Variants in RPTOR observed in about 807,000 individuals in gnomAD.
RPTOR encodes the protein regulatory associated protein of MTOR complex 1, also known as regulatory-associated protein of mTOR.
RPTOR carries 21 observed loss-of-function variants against 169.9 expected under a neutral mutation model. That is an observed-to-expected ratio of 0.12 (90% CI 0.09 to 0.18). The LOEUF (loss-of-function observed/expected upper bound fraction) is 0.18, where lower values mean the gene tolerates loss of function less well. Ranked by LOEUF, RPTOR falls within the 10% of genes least tolerant of loss-of-function variation. RPTOR has a pLI of 1.00. For synonymous variants in RPTOR, 732 were observed against 753.2 expected (o/e 0.97, Z 0.46); for missense variants, 1,133 against 1,855.9 (o/e 0.61, Z 7.16).
At chr17:80,750,373 G>A (rs1469966040) in intron 5 of RPTOR, among the ~76,000 whole-genome samples, 1 of 152,232 alleles carries the variant, frequency 6.6e-6, no homozygotes, top group East Asian at 1.9e-4. Flanking sequence ...AAGTCTGCCA[G>A]CAGTCCCAGA....
chr17:80,611,201 T>C (rs1259042749), intron 1 of RPTOR, among the ~76,000 whole-genome samples: 1 of 152,220 alleles, frequency 6.6e-6, no homozygotes, highest in Non-Finnish European at 1.5e-5. Context: ...TCGTATTTGC[T>C]CTTTCTGTCA....
intron 1 of RPTOR, among the ~76,000 whole-genome samples, chr17:80,547,626 T>A (rs537864180): frequency 6.6e-6 from 1 of 152,278 alleles, no homozygotes; most frequent in East Asian, 1.9e-4. Flanking sequence ...GTTGAGTGTG[T>A]GGGAGTTTGG....
At chr17:80,674,657 C>G (rs1283444807) in intron 3 of RPTOR, among the ~76,000 whole-genome samples, 3 of 151,790 alleles carry the variant, frequency 2.0e-5, no homozygotes, top group African/African-American at 4.8e-5. Context: ...AATTGGTGGC[C>G]GGCGCCTGTA....
chr17:80,789,206 T>C (rs1225955346), intron 6 of RPTOR, among the ~76,000 whole-genome samples: 4 of 152,266 alleles, frequency 2.6e-5, no homozygotes, highest in African/African-American at 7.2e-5. Flanking sequence ...TCTGTTTTTA[T>C]TGACTTTTTT....
chr17:80,545,608 TC>T lies in RPTOR; in HGVS notation c.-17del, dbSNP rs34290008. ...TTCTCGAGCGCTTGCTGCCAAGGAC[TC>T]CCCCACCCCCTCCCCCACTGATGGA... On this transcript the variant is annotated 5_prime_UTR_variant, in exon 1 of 34. Coordinates refer to ENST00000306801, the MANE Select transcript of RPTOR (RefSeq NM_020761.3). 2 of 1,576,818 alleles carry T rather than the reference TC, an allele frequency of 1.3e-6. No individual in the cohort carries two copies. The highest frequency in any genetic ancestry group is 2.3e-5 in the South Asian group (2 of 87,816).
intron 20 of RPTOR, among the ~76,000 whole-genome samples, chr17:80,900,009 TACAGAACAGGCAA>T (rs1211933602): frequency 6.6e-6 from 1 of 152,102 alleles, no homozygotes; most frequent in Non-Finnish European, 1.5e-5. Context: ...GGCACAAAAG[TACAGAACAGGCAA>T]ACCCAATGCC....
chr17:80,707,554 AT>A lies in RPTOR; in HGVS notation c.349-273del, dbSNP rs202218038. Among the ~76,000 whole-genome samples the A allele has an allele frequency of 5.8e-3, 828 of 143,422 alleles. No individual in the cohort carries two copies. Among genetic ancestry groups the A allele is most frequent in the South Asian group, 0.018 (80 of 4,546 alleles). 94.1% of individuals were successfully genotyped at this position (143,422 alleles called of 152,430 possible). A position where few individuals can be genotyped will look rare whatever the true frequency, so the allele number is the denominator to read the frequency against. ...AGGTGTGTGCCACCACACCTGGCTA[AT>A]TTTTTTTTTTTTTAATTGTAGAGAT... On this transcript the variant is annotated intron_variant, in intron 3 of 33. Transcript: ENST00000306801. This position sits in a 1 kb window ranked among gnomAD's most constrained non-coding sequence, Gnocchi z 5.0.
chr17:80,935,623 A>G (rs61034342), intron 24 of RPTOR, among the ~76,000 whole-genome samples: 8,405 of 152,264 alleles, frequency 0.055, 615 homozygotes, highest in African/African-American at 0.17. Context: ...ACTCTTTTCA[A>G]CCATTGGTAC....
At chr17:80,664,147 A>T (rs143129018) in intron 3 of RPTOR, among the ~76,000 whole-genome samples, 1 of 152,092 alleles carries the variant, frequency 6.6e-6, no homozygotes. Context: ...CGTGCAAACC[A>T]TCTTGGCTGT....
At chr17:80,830,931 G>A (rs1212481303) in intron 9 of RPTOR, among the ~76,000 whole-genome samples, 1 of 152,026 alleles carries the variant, frequency 6.6e-6, no homozygotes, top group East Asian at 1.9e-4. Flanking sequence ...TTTTTGTAGA[G>A]ATGAGGTTTC....
intron 6 of RPTOR, among the ~76,000 whole-genome samples, chr17:80,760,293 C>CT (rs1488611159): frequency 3.7e-5 from 5 of 134,860 alleles, no homozygotes; most frequent in Admixed American, 8.0e-5. Context: ...GTCGAGCTTT[C>CT]TTTTTTCTTT....
chr17:80,680,568 G>T (rs1242950868), intron 3 of RPTOR, among the ~76,000 whole-genome samples: 1 of 152,174 alleles, frequency 6.6e-6, no homozygotes, highest in Admixed American at 6.5e-5. Flanking sequence ...GGCAGAGGTT[G>T]CAGTGAGCCA....
At chr17:80,734,616 C>T (rs565530554) in intron 5 of RPTOR, among the ~76,000 whole-genome samples, 6 of 152,292 alleles carry the variant, frequency 3.9e-5, no homozygotes, top group East Asian at 1.9e-4. Flanking sequence ...CATCCTTAGC[C>T]GACTGGCTTT....
intron 3 of RPTOR, among the ~76,000 whole-genome samples, chr17:80,657,311 A>G (rs2065687497): frequency 6.6e-6 from 1 of 152,152 alleles, no homozygotes. Context: ...TAAACCTTGG[A>G]GAGTGTAGTT....
intron 5 of RPTOR, among the ~76,000 whole-genome samples, chr17:80,742,425 C>G (rs950398741): frequency 2.0e-5 from 3 of 151,054 alleles, no homozygotes; most frequent in African/African-American, 4.9e-5. Context: ...ACGCACAGCA[C>G]AATCAAGTTT....
At chr17:80,688,156 G>A (rs919597051) in intron 3 of RPTOR, among the ~76,000 whole-genome samples, 1 of 152,166 alleles carries the variant, frequency 6.6e-6, no homozygotes. Flanking sequence ...GAACACTCAC[G>A]TAGCACTGCT....
intron 1 of RPTOR, among the ~76,000 whole-genome samples, chr17:80,563,063 G>A (rs534671550): frequency 2.7e-4 from 41 of 152,270 alleles, no homozygotes; most frequent in African/African-American, 9.6e-4. Context: ...GTCTGGCTTG[G>A]CAGGTGGCAG....
intron 1 of RPTOR, among the ~76,000 whole-genome samples, chr17:80,583,600 C>T (rs2065035601): frequency 2.0e-5 from 3 of 152,156 alleles, no homozygotes; most frequent in African/African-American, 7.2e-5. Flanking sequence ...CACCTATGCT[C>T]CCGGGAGCCG....
chr17:80,850,895 C>A (rs966537707), intron 11 of RPTOR, among the ~76,000 whole-genome samples: 3 of 152,218 alleles, frequency 2.0e-5, no homozygotes, highest in Non-Finnish European at 2.9e-5. Context: ...TCCAGTATGC[C>A]TGTCTGAGCA....
Sources: gnomAD v4.1 joint callset for allele counts (sites outside exome capture counted in the v4.1 genomes callset) on GRCh38, gnomAD v4.1.1 for gene constraint, Gnocchi (gnomAD v3.1) non-coding constraint, MANE v1.5 for transcripts, NCBI Gene and HGNC (gene_info 2026-07-23, HGNC 2026-07-21) for gene names.